Variants in NDUFB9 observed in about 807,000 individuals in gnomAD.
The protein encoded by NDUFB9 is NADH dehydrogenase [ubiquinone] 1 beta subcomplex subunit 9.
Under a neutral mutation model 30.2 loss-of-function variants are expected in NDUFB9, and 24 were observed. That is an observed-to-expected ratio of 0.80 (90% CI 0.58 to 1.12). The LOEUF (loss-of-function observed/expected upper bound fraction) is 1.12. NDUFB9 is among the 50% of genes most tolerant of loss of function. The pLI is 0.00. For synonymous variants in NDUFB9, 80 were observed against 84.0 expected, an observed-to-expected ratio of 0.95 and a Z score of 0.26; for missense variants, 204 against 226.0, an observed-to-expected ratio of 0.90 and a Z score of 0.62.
In NDUFB9 at chr8:124,549,754, C is replaced by T; in HGVS notation, c.409-7C>T. ...TTGGTAATGATTCCTTCCTTGCCTC[C>T]TTCTAGGTTAAGCAGCTGCAGGAGG... On this transcript the variant is annotated splice_polypyrimidine_tract_variant and splice_region_variant and intron_variant, in intron 3 of 3. Transcript: ENST00000276689. 6.2e-7 allele frequency: 1 copy of T among 1,613,864 alleles called. No homozygotes were observed. The highest frequency in any genetic ancestry group is 8.5e-7 in the Non-Finnish European group (1 of 1,179,820).
chr8:124,540,633 A>G (rs1369742440), intron 1 of NDUFB9, among the ~76,000 whole-genome samples: 1 of 152,250 alleles, frequency 6.6e-6, no homozygotes, highest in Non-Finnish European at 1.5e-5. Flanking sequence ...ACTAAAGTCC[A>G]TAGTTCTAGA....
Position 124,547,094 on chromosome 8 carries a change from G to A in NDUFB9, c.389G>A (p.Arg130Lys). The change falls in exon 3 of 4, where the codon AGG (arginine) becomes AAG (lysine). Residue 130 changes from arginine to lysine, a missense_variant. Physicochemically the swap from Arg to Lys is conservative, Grantham distance 26. Coordinates refer to ENST00000276689, the MANE Select transcript of NDUFB9 (RefSeq NM_005005.3). Reference protein sequence around the residue: ...AKREQWKKLRRESWEREVKQL... With the variant: ...AKREQWKKLRKESWEREVKQL... The stretch of plus-strand genomic sequence containing the variant: ...AGAGAACAGTGGAAGAAACTGCGGA[G>A]GGAAAGCTGGGAACGAGAGGTGCGT... 1 of 1,613,236 alleles carries A rather than the reference G, an allele frequency of 6.2e-7. No homozygotes were observed. The highest frequency in any genetic ancestry group is 1.1e-5 in the South Asian group (1 of 91,042).
intron 3 of NDUFB9, among the ~76,000 whole-genome samples, chr8:124,549,343 C>T (rs2131617137): frequency 6.6e-6 from 1 of 152,282 alleles, no homozygotes; most frequent in South Asian, 2.1e-4. Context: ...ATATTATGAA[C>T]TGAGGTTTCT....
chr8:124,545,957 C>T (rs1180209372), intron 2 of NDUFB9, among the ~76,000 whole-genome samples: 4 of 152,188 alleles, frequency 2.6e-5, no homozygotes, highest in African/African-American at 9.7e-5. Flanking sequence ...ATTCTCCTAC[C>T]TCAGTCTCCC....
rs185253508 is a variant in NDUFB9, at chr8:124,541,408, T to A, written c.102-1679T>A. 7.2e-5 allele frequency among the ~76,000 whole-genome samples: 11 copies of A among 152,330 alleles called. No homozygotes were observed. In the East Asian group the frequency reaches 2.1e-3, roughly 29 times the overall value. The stretch of plus-strand genomic sequence containing the variant: ...CAATAACACACATACTCATACACCA[T>A]GTATAATTAGACACTGGTTTTTATA... On this transcript the variant is annotated intron_variant, in intron 1 of 3. Transcript: ENST00000276689.
At chr8:124,548,029 A>G (rs1252829740) in intron 3 of NDUFB9, among the ~76,000 whole-genome samples, 1 of 152,114 alleles carries the variant, frequency 6.6e-6, no homozygotes, top group Non-Finnish European at 1.5e-5. Flanking sequence ...TTTAAGCTTT[A>G]ACATCTGGAG....
In NDUFB9 at chr8:124,541,397, CT is replaced by C. The variant is rs148872434; in HGVS notation, c.102-1689del. Among the ~76,000 whole-genome samples, 828 of 152,300 alleles carry C rather than the reference CT, an allele frequency of 5.4e-3. 8 individuals are homozygous for C. The highest frequency in any genetic ancestry group is 0.019 in the African/African-American group (778 of 41,564). On this transcript the variant is annotated intron_variant, in intron 1 of 3. Transcript: ENST00000276689. ...TATTCCTTTGCCAATAACACACATACTCATACACCATGTATAATTAGACACT... is the reference window on the plus strand; with the variant it reads ...TATTCCTTTGCCAATAACACACATACCATACACCATGTATAATTAGACACT...
At chr8:124,546,535 G>A (rs1410590604) in intron 2 of NDUFB9, 1 of 193,948 alleles carries the variant, frequency 5.2e-6, no homozygotes, top group East Asian at 1.3e-4. Flanking sequence ...TGTTTCTTAG[G>A]TGTCAGTTTT....
intron 1 of NDUFB9, among the ~76,000 whole-genome samples, chr8:124,541,780 T>G (rs906822001): frequency 6.6e-5 from 10 of 151,918 alleles, no homozygotes; most frequent in African/African-American, 2.4e-4. Flanking sequence ...ATTTTTGTAT[T>G]TTTAGTAGAG....
intron 1 of NDUFB9, among the ~76,000 whole-genome samples, chr8:124,542,038 C>G (rs948353408): frequency 5.3e-5 from 8 of 151,874 alleles, no homozygotes; most frequent in Admixed American, 1.3e-4. Context: ...GCCTTGGCCC[C>G]CAGAGTAGCT....
rs113445889 is a variant in NDUFB9 at position 124,539,576 on chromosome 8, G to A, written c.101+289G>A. The A allele has an allele frequency of 2.6e-3, 1,115 of 427,434 alleles. 13 individuals carry two copies. Among genetic ancestry groups the A allele is most frequent in the African/African-American group, 0.02 (1,002 of 50,138 alleles). 26.5% of individuals were successfully genotyped at this position (427,434 alleles called of 1,614,324 possible). On this transcript the variant is annotated intron_variant, in intron 1 of 3. Transcript: ENST00000276689. ...GGAAAATTAAGTGAAATAAAGGAAAGTGCCTAAAATTGTAATTGTCATGGG... is the reference window on the plus strand; with the variant it reads ...GGAAAATTAAGTGAAATAAAGGAAAATGCCTAAAATTGTAATTGTCATGGG...
At chr8:124,542,951 G>A (rs962813545) in intron 1 of NDUFB9, 136 bp from the exon 2 acceptor site, 25 of 834,446 alleles carry the variant, frequency 3.0e-5, no homozygotes, top group Middle Eastern at 3.4e-4. Flanking sequence ...ATGATGATAC[G>A]GCTGCTCCAT....
chr8:124,539,219 C>A lies in NDUFB9; in HGVS notation c.33C>A (p.Thr11=), dbSNP rs1422114783. ...TCTTGGCGTCGGGACCCTACCTGACCCATCAGCAAAAGGTGTTGCGGCTTT... is the reference window on the plus strand; with the variant it reads ...TCTTGGCGTCGGGACCCTACCTGACACATCAGCAAAAGGTGTTGCGGCTTT... MAFLASGPYL[T]HQQKVLRLYK... Residue 11 remains threonine (T), a synonymous_variant, in exon 1 of 4, where the codon ACC becomes ACA. Transcript: ENST00000276689. 1.2e-6 allele frequency: 2 copies of A among 1,614,200 alleles called. No individual in the cohort carries two copies. Among genetic ancestry groups the A allele is most frequent in the East Asian group, 4.5e-5 (2 of 44,882 alleles).
At position 124,543,292 on chromosome 8, in the gene NDUFB9, T is replaced by C. The variant is rs146951703; in HGVS notation, c.294+13T>C. 453 of 1,607,796 alleles carry C rather than the reference T, an allele frequency of 2.8e-4. 3 individuals are homozygous for C. The East Asian group carries it at 9.3e-3, about 33-fold the overall frequency. ...CGATTGCTACAAGGTAGGTGAGAAT[T>C]ATGATGACTGCCTTCTGAGAAATAG... On this transcript the variant is annotated intron_variant, in intron 2 of 3. Coordinates refer to ENST00000276689, the MANE Select transcript of NDUFB9 (RefSeq NM_005005.3).
At chr8:124,546,304 G>A (rs1176228110) in intron 2 of NDUFB9, among the ~76,000 whole-genome samples, 2 of 152,174 alleles carry the variant, frequency 1.3e-5, no homozygotes, top group East Asian at 3.8e-4. Flanking sequence ...ACTGTTCAAA[G>A]TCCTTTGTTA....
chr8:124,546,605 A>T (rs1405437778), intron 2 of NDUFB9: 1 of 277,896 alleles, frequency 3.6e-6, no homozygotes, highest in Non-Finnish European at 7.0e-6. Context: ...GTCGTACAGT[A>T]TACTTTTTGC....
chr8:124,542,409 G>T (rs1010811228), intron 1 of NDUFB9, among the ~76,000 whole-genome samples: 1 of 152,110 alleles, frequency 6.6e-6, no homozygotes, highest in Non-Finnish European at 1.5e-5. Flanking sequence ...TAAGATTCAG[G>T]CCCATACAGT....
intron 3 of NDUFB9, among the ~76,000 whole-genome samples, chr8:124,548,493 G>C (rs1246401889): frequency 1.3e-5 from 2 of 152,168 alleles, no homozygotes; most frequent in East Asian, 3.8e-4. Flanking sequence ...CATGAGGCGA[G>C]GAAGAGCTTG....
chr8:124,543,238 TCTCCTGGGGGCAC>T lies in NDUFB9; in HGVS notation c.259_271del (p.Gly87MetfsTer14), dbSNP rs1383120861. ...TCCACAGCCATACATCTTCCCTGACTCTCCTGGGGGCACCTCCTATGAGAGATACGATTGCTAC... is the reference window on the plus strand; with the variant it reads ...TCCACAGCCATACATCTTCCCTGACTCTCCTATGAGAGATACGATTGCTAC... On this transcript the variant is annotated frameshift_variant, in exon 2 of 4. Coordinates refer to ENST00000276689, the MANE Select transcript of NDUFB9 (RefSeq NM_005005.3). LOFTEE classifies it high-confidence loss of function. 6.2e-7 allele frequency: 1 copy of T among 1,614,036 alleles called. No individual in the cohort carries two copies. Among genetic ancestry groups the T allele is most frequent in the African/African-American group, 1.3e-5 (1 of 74,916 alleles).
Sources: gnomAD v4.1 joint callset for allele counts (sites outside exome capture counted in the v4.1 genomes callset) on GRCh38, gnomAD v4.1.1 for gene constraint, MANE v1.5 for transcripts, NCBI Gene and HGNC (gene_info 2026-07-23, HGNC 2026-07-21) for gene names.